PTGER3: variants seen among roughly 807,000 people sequenced by gnomAD.
The protein encoded by PTGER3 is prostaglandin E2 receptor EP3 subtype.
A neutral mutation model predicts 34.7 loss-of-function variants in PTGER3; 22 were observed. The ratio of observed to expected loss-of-function variants is 0.63; its 90% CI spans 0.45 to 0.91. PTGER3 has a LOEUF of 0.91. PTGER3 is among the 40% of genes least tolerant of loss of function. The pLI is 0.00. For missense variants in PTGER3, 468 were observed against 519.4 expected (o/e 0.90, Z 0.96); for synonymous variants, 241 against 230.1 (o/e 1.05, Z -0.43).
At chr1:70,970,192 T>C (rs183592802), downstream of PTGER3, among the ~76,000 whole-genome samples, 14 of 152,260 alleles carry the variant, frequency 9.2e-5, no homozygotes, top group Middle Eastern at 6.8e-3. Flanking sequence ...GTATGAAAAA[T>C]CGGTTAAGCC....
In PTGER3 at chr1:70,856,193, T is replaced by C. The variant is rs144451158; in HGVS notation, c.*24-3334A>G. On this transcript the variant is annotated intron_variant, in intron 4 of 4. Coordinates refer to the PTGER3 transcript ENST00000370931. Reference sequence around the variant, plus strand: ...ATAAATAATATTTTTATTTAGGAACTGTTAACAAAGTTGTCAGTTATCTTT... The same window carrying C: ...ATAAATAATATTTTTATTTAGGAACCGTTAACAAAGTTGTCAGTTATCTTT... 1.4e-3 allele frequency among the ~76,000 whole-genome samples: 207 copies of C among 152,250 alleles called. 2 individuals are homozygous for C. The highest frequency in any genetic ancestry group is 4.4e-3 in the African/African-American group (184 of 41,548).
At chr1:71,034,672 A>G (rs1659675734) in intron 1 of PTGER3, among the ~76,000 whole-genome samples, 1 of 152,240 alleles carries the variant, frequency 6.6e-6, no homozygotes, top group Non-Finnish European at 1.5e-5. Context: ...TGGAAGCAAA[A>G]GGGAGGACAG....
At chr1:71,039,057 C>T (rs1573000926) in intron 1 of PTGER3, among the ~76,000 whole-genome samples, 2 of 152,166 alleles carry the variant, frequency 1.3e-5, no homozygotes, top group African/African-American at 4.8e-5. Flanking sequence ...GCTGTGGGTG[C>T]TAGCAAGACC....
chr1:70,904,777 C>A (rs2100355288), intron 4 of PTGER3, among the ~76,000 whole-genome samples: 1 of 152,242 alleles, frequency 6.6e-6, no homozygotes, highest in Non-Finnish European at 1.5e-5. Flanking sequence ...TGCAGCCTGA[C>A]AATACAGTAG....
At position 70,971,737 on chromosome 1, in the gene PTGER3, T is replaced by C; in HGVS notation, c.1170-4A>G. ...TCCAACTCCGTTCTTTCATTATCTG[T>C]TAGAATAGAGAGAGAAAGATGCAAT... On this transcript the variant is annotated splice_polypyrimidine_tract_variant and splice_region_variant and intron_variant, in intron 3 of 3. Coordinates refer to ENST00000306666, the MANE Select transcript of PTGER3 (RefSeq NM_198719.2). 1 of 1,547,428 alleles carries C rather than the reference T, an allele frequency of 6.5e-7. No individual in the cohort carries two copies. The highest frequency in any genetic ancestry group is 2.3e-5 in the East Asian group (1 of 42,642).
At position 70,971,441 on chromosome 1, in the gene PTGER3, C is replaced by A. The variant is rs1653068007; in HGVS notation, c.*289G>T. The A allele has an allele frequency of 9.0e-7, 1 of 1,116,928 alleles. No homozygotes were observed. The highest frequency in any genetic ancestry group is 1.1e-6 in the Non-Finnish European group (1 of 913,990). 69.2% of individuals were successfully genotyped at this position (1,116,928 alleles called of 1,614,324 possible). On this transcript the variant is annotated 3_prime_UTR_variant, in exon 4 of 4. Coordinates refer to ENST00000306666, the MANE Select transcript of PTGER3 (RefSeq NM_198719.2). Reference sequence around the variant, plus strand: ...TGGAGAAAACTCCTGGAACACAGGTCTTTCTTTTCATCACTTTTCCTCCAA... The same window carrying A: ...TGGAGAAAACTCCTGGAACACAGGTATTTCTTTTCATCACTTTTCCTCCAA...
At chr1:71,022,758 C>T (rs4361943) in intron 1 of PTGER3, among the ~76,000 whole-genome samples, 51,361 of 151,280 alleles carry the variant, frequency 0.34, 9,428 homozygotes, top group South Asian at 0.45. Context: ...CATACACACA[C>T]AAATGAACAG....
chr1:70,925,137 T>A (rs1237882081), intron 4 of PTGER3, among the ~76,000 whole-genome samples: 3 of 152,166 alleles, frequency 2.0e-5, no homozygotes, highest in African/African-American at 7.2e-5. Context: ...CCCGAGTAAC[T>A]GGGATTACAT....
At chr1:71,012,530 TATGC>T in intron 1 of PTGER3, 46 bp from the exon 2 acceptor site, 1 of 1,521,626 alleles carries the variant, frequency 6.6e-7, no homozygotes, top group Non-Finnish European at 9.0e-7. Flanking sequence ...AGTAAGGTCA[TATGC>T]ATCTCCTCTA....
intron 1 of PTGER3, among the ~76,000 whole-genome samples, chr1:71,015,256 T>C (rs4649933): frequency 0.3 from 46,173 of 151,892 alleles, 7,425 homozygotes; most frequent in East Asian, 0.44. Context: ...GATAGACAGA[T>C]AGACAATACT....
rs1557709273 is a variant in PTGER3, at chr1:70,981,397, TTCCTTCC to T, written c.1078-7016_1078-7010del. ...TTTCTTTCTTTCTTTCTTTCTTTCCTTCCTTCCTTCCTTCCTTCCTTCTTTCTTTTCT... is the reference window on the plus strand; with the variant it reads ...TTTCTTTCTTTCTTTCTTTCTTTCCTTTCCTTCCTTCCTTCTTTCTTTTCT... On this transcript the variant is annotated intron_variant, in intron 2 of 3. Coordinates refer to ENST00000306666, the MANE Select transcript of PTGER3 (RefSeq NM_198719.2). Among the ~76,000 whole-genome samples the T allele has an allele frequency of 4.4e-3, 391 of 89,296 alleles. 15 individuals carry two copies. The highest frequency in any genetic ancestry group is 0.03 in the East Asian group (66 of 2,174). 58.6% of individuals were successfully genotyped at this position (89,296 alleles called of 152,430 possible).
exon 5 of PTGER3, chr1:70,852,400 G>C (rs886132981): frequency 1.0e-4 from 17 of 170,068 alleles, no homozygotes; most frequent in Non-Finnish European, 2.1e-4. Context: ...AGTGCTCCTT[G>C]TCATGATGAG....
At chr1:71,036,275 T>A (rs1054948162) in intron 1 of PTGER3, among the ~76,000 whole-genome samples, 6 of 152,168 alleles carry the variant, frequency 3.9e-5, no homozygotes, top group African/African-American at 1.4e-4. Context: ...TCTCTCAAGA[T>A]TTGAAGCCAA....
Position 71,047,796 on chromosome 1 carries a change from G to A in PTGER3, c.-219C>T, listed in dbSNP as rs1425584959. ...GGAGGGAGCCACGCCTTCCTCTCTG[G>A]GAAACCTCTGGTGGCGAGGCGCGCG... On this transcript the variant is annotated 5_prime_UTR_variant, in exon 1 of 4. Transcript: ENST00000306666. The A allele has an allele frequency of 2.5e-6, 1 of 405,572 alleles. No homozygotes were observed. The highest frequency in any genetic ancestry group is 4.1e-6 in the Non-Finnish European group (1 of 246,002). The allele number at this position is 405,572 out of a possible 1,614,324, so 25.1% of individuals were successfully genotyped here.
At chr1:71,010,136 T>C in intron 2 of PTGER3, 1 of 985,252 alleles carries the variant, frequency 1.0e-6, no homozygotes, top group Non-Finnish European at 1.2e-6. Context: ...TCAGGTTTTT[T>C]GCCTTTCTGT....
rs367965516 is a variant in PTGER3 at position 70,977,421 on chromosome 1, T to A, written c.1078-3033A>T. Among the ~76,000 whole-genome samples the A allele has an allele frequency of 3.3e-5, 5 of 151,958 alleles. 1 individual carries two copies. The highest frequency in any genetic ancestry group is 1.2e-4 in the African/African-American group (5 of 41,358). ...AGAATGACCCAGCTGTACCACAGGG[T>A]TATAGCTACTTTCCATCATGTCATT... On this transcript the variant is annotated intron_variant, in intron 2 of 3. Coordinates refer to ENST00000306666, the MANE Select transcript of PTGER3 (RefSeq NM_198719.2).
chr1:70,916,533 T>C (rs1442407347), intron 4 of PTGER3, among the ~76,000 whole-genome samples: 1 of 152,042 alleles, frequency 6.6e-6, no homozygotes, highest in African/African-American at 2.4e-5. Flanking sequence ...ATATATACCA[T>C]AAGATACGAC....
chr1:70,867,810 C>T (rs971818221), intron 4 of PTGER3, among the ~76,000 whole-genome samples: 1 of 152,130 alleles, frequency 6.6e-6, no homozygotes, highest in Non-Finnish European at 1.5e-5. Context: ...CTTAAGGAAG[C>T]TCTCCTACTT....
In PTGER3 at chr1:70,927,245, T is replaced by C. The variant is rs847711; in HGVS notation, c.*23+26518A>G. ...CTTTTTCTATTGATTGGAATAGTTT[T>C]AGAAGGAATGGTACCAGTTCTTCCT... is the stretch of plus-strand genomic sequence containing the variant. On this transcript the variant is annotated intron_variant, in intron 4 of 4. Coordinates refer to the PTGER3 transcript ENST00000370931. 8.5e-5 allele frequency among the ~76,000 whole-genome samples: 13 copies of C among 152,158 alleles called. No individual in the cohort carries two copies. In the East Asian group the frequency reaches 1.2e-3, roughly 14 times the overall value.
Sources: allele counts gnomAD v4.1 joint callset (sites outside exome capture counted in the v4.1 genomes callset), GRCh38; gene constraint gnomAD v4.1.1; transcripts MANE v1.5; gene names NCBI Gene and HGNC (gene_info 2026-07-23, HGNC 2026-07-21).